Variants in ATXN10 observed in about 807,000 individuals in gnomAD.
The protein encoded by ATXN10 is ataxin 10.
In ATXN10, 28 loss-of-function variants were observed where a neutral mutation model predicts 52.9. The observed-to-expected ratio is 0.53, with a 90% CI of 0.39 to 0.73. The LOEUF is 0.73. ATXN10 is among the 30% of genes least tolerant of loss of function. The pLI, the probability that ATXN10 is intolerant of heterozygous loss-of-function variation, is 0.00. For missense variants in ATXN10, 565 were observed against 577.0 expected (o/e 0.98, Z 0.21); for synonymous variants, 226 against 221.5 (o/e 1.02, Z -0.18).
In ATXN10 at chr22:45,681,877, C is replaced by G. The variant is rs1035224281; in HGVS notation, c.117-7835C>G. On this transcript the variant is annotated intron_variant, in intron 1 of 11. Coordinates refer to ENST00000252934, the MANE Select transcript of ATXN10 (RefSeq NM_013236.4). The surrounding 1 kb of genome is among the most constrained non-coding windows in gnomAD (Gnocchi z 4.2). ...ACTCTCAGCTCTCTGAAAATAGGAG[C>G]AACTAGAAGATAATTTCCAGGAACT... 6.6e-6 allele frequency among the ~76,000 whole-genome samples: 1 copy of G among 152,176 alleles called. No individual in the cohort carries two copies. Among genetic ancestry groups the G allele is most frequent in the Non-Finnish European group, 1.5e-5 (1 of 68,034 alleles).
At chr22:45,747,542 C>T (rs1438410465) in intron 9 of ATXN10, among the ~76,000 whole-genome samples, 2 of 152,028 alleles carry the variant, frequency 1.3e-5, no homozygotes, top group African/African-American at 4.8e-5. Flanking sequence ...AGTGGGTTCT[C>T]CTGTCACTGA....
At chr22:45,695,639 G>T (rs193150576) in intron 3 of ATXN10, among the ~76,000 whole-genome samples, 1 of 151,684 alleles carries the variant, frequency 6.6e-6, no homozygotes, top group African/African-American at 2.4e-5. Context: ...GATTACAGGC[G>T]CCTGCCGCCG....
At chr22:45,731,503 A>G (rs1461080117) in intron 7 of ATXN10, among the ~76,000 whole-genome samples, 1 of 152,210 alleles carries the variant, frequency 6.6e-6, no homozygotes, top group Non-Finnish European at 1.5e-5. Flanking sequence ...ATAAAAGATG[A>G]TAGAGAGTTC....
intron 1 of ATXN10, among the ~76,000 whole-genome samples, chr22:45,685,228 A>G (rs536685454): frequency 6.6e-6 from 1 of 152,224 alleles, no homozygotes; most frequent in East Asian, 1.9e-4. Flanking sequence ...CTCAAACAGA[A>G]CTTGCCAAGA....
chr22:45,748,120 A>G (rs538615975), intron 9 of ATXN10, among the ~76,000 whole-genome samples: 29 of 152,020 alleles, frequency 1.9e-4, no homozygotes, highest in Non-Finnish European at 2.6e-4. Flanking sequence ...TCGAGGCTAC[A>G]GGGAGCCGTG....
chr22:45,693,310 T>A (rs1923458558), intron 3 of ATXN10, among the ~76,000 whole-genome samples: 2 of 152,216 alleles, frequency 1.3e-5, no homozygotes, highest in South Asian at 4.1e-4. Flanking sequence ...CCAGTTGCTA[T>A]AACAAAATGC....
In ATXN10 at chr22:45,718,320, T is replaced by A. The variant is rs1924520847; in HGVS notation, c.648-93T>A. ...TCAAAAATTCACTGAAAAGAAATGC[T>A]TTTGTGTGTAAGTGGTGCCTATAAA... On this transcript the variant is annotated intron_variant, in intron 5 of 11. Transcript: ENST00000252934. This position sits in a 1 kb window ranked among gnomAD's most constrained non-coding sequence, Gnocchi z 4.4. 1.1e-6 allele frequency: 1 copy of A among 937,972 alleles called. No homozygotes were observed. Among genetic ancestry groups the A allele is most frequent in the Non-Finnish European group, 1.8e-6 (1 of 566,398 alleles). 58.1% of individuals were successfully genotyped at this position (937,972 alleles called of 1,614,324 possible). A position where few individuals can be genotyped will look rare whatever the true frequency, so the allele number is the denominator to read the frequency against.
chr22:45,821,224 A>G lies in ATXN10; in HGVS notation c.1237+14202A>G, dbSNP rs77455170. ...TTTCTCTCCTAAAGCACTTGTAGAA[A>G]CGAGTACAATTACCAGGCATAGTGG... On this transcript the variant is annotated intron_variant, in intron 10 of 11. Transcript: ENST00000252934. Among the ~76,000 whole-genome samples, 984 of 152,238 alleles carry G rather than the reference A, an allele frequency of 6.5e-3. 7 individuals carry two copies. Among genetic ancestry groups the G allele is most frequent in the South Asian group, 0.017 (82 of 4,822 alleles).
At chr22:45,811,176 T>C (rs1274822408) in intron 10 of ATXN10, among the ~76,000 whole-genome samples, 3 of 152,182 alleles carry the variant, frequency 2.0e-5, no homozygotes, top group Non-Finnish European at 2.9e-5. Flanking sequence ...CCTTTATATG[T>C]TTTGAGGTAA....
rs1397572578 is a variant in ATXN10 at position 45,845,065 on chromosome 22, T to C, written c.*1394T>C. The stretch of plus-strand genomic sequence containing the variant: ...AAAGAAGCCATTGCAGAATTTAAAA[T>C]TACACAAAGGAGTCATTCTCTCCTG... On this transcript the variant is annotated 3_prime_UTR_variant, in exon 12 of 12. Transcript: ENST00000252934. This position sits in a 1 kb window ranked among gnomAD's most constrained non-coding sequence, Gnocchi z 4.7. 6.6e-6 allele frequency: 1 copy of C among 152,204 alleles called. No individual in the cohort carries two copies. Among genetic ancestry groups the C allele is most frequent in the Non-Finnish European group, 1.5e-5 (1 of 68,042 alleles). 9.4% of individuals were successfully genotyped at this position (152,204 alleles called of 1,614,324 possible). A position where few individuals can be genotyped will look rare whatever the true frequency, so the allele number is the denominator to read the frequency against.
rs1431906713 is a variant in ATXN10 at position 45,708,171 on chromosome 22, C to A, written c.647+5324C>A. Among the ~76,000 whole-genome samples the A allele has an allele frequency of 6.6e-6, 1 of 152,052 alleles. No homozygotes were observed. Among genetic ancestry groups the A allele is most frequent in the African/African-American group, 2.4e-5 (1 of 41,384 alleles). On this transcript the variant is annotated intron_variant, in intron 5 of 11. Coordinates refer to ENST00000252934, the MANE Select transcript of ATXN10 (RefSeq NM_013236.4). The surrounding 1 kb of genome is among the most constrained non-coding windows in gnomAD (Gnocchi z 5.3). The stretch of plus-strand genomic sequence containing the variant: ...TAATGTCTTTCTAAAAATGTCTGTT[C>A]TTTTGTTTGTAGGTGTGAAAGATGT...
In ATXN10 at chr22:45,816,441, G is replaced by A. The variant is rs1363393867; in HGVS notation, c.1237+9419G>A. ...TCAGAGTTCTTTCTAGATCCCTTCAGTGAGCTGAGTGCCTCCATTTGGCGT... is the reference window on the plus strand; with the variant it reads ...TCAGAGTTCTTTCTAGATCCCTTCAATGAGCTGAGTGCCTCCATTTGGCGT... On this transcript the variant is annotated intron_variant, in intron 10 of 11. Coordinates refer to ENST00000252934, the MANE Select transcript of ATXN10 (RefSeq NM_013236.4). The surrounding 1 kb of genome is among the most constrained non-coding windows in gnomAD (Gnocchi z 5.8). Among the ~76,000 whole-genome samples, 1 of 152,106 alleles carries A rather than the reference G, an allele frequency of 6.6e-6. No individual in the cohort carries two copies. The highest frequency in any genetic ancestry group is 1.5e-5 in the Non-Finnish European group (1 of 68,034).
chr22:45,780,459 A>T lies in ATXN10; in HGVS notation c.1174-26500A>T, dbSNP rs1393140208. On this transcript the variant is annotated intron_variant, in intron 9 of 11. Transcript: ENST00000252934. This position sits in a 1 kb window ranked among gnomAD's most constrained non-coding sequence, Gnocchi z 4.0. ...TTCAGAATTTATGCAGTGTGGTGGG[A>T]GGAGGTCTGGCTCTGGAGTCAGGCA... Among the ~76,000 whole-genome samples, 1 of 150,724 alleles carries T rather than the reference A, an allele frequency of 6.6e-6. No homozygotes were observed. The highest frequency in any genetic ancestry group is 1.9e-4 in the East Asian group (1 of 5,174).
Position 45,718,122 on chromosome 22 carries a change from A to G in ATXN10, c.648-291A>G, listed in dbSNP as rs1465751439. Among the ~76,000 whole-genome samples the G allele has an allele frequency of 1.3e-5, 2 of 152,178 alleles. No homozygotes were observed. The highest frequency in any genetic ancestry group is 2.9e-5 in the Non-Finnish European group (2 of 68,030). ...GCTAAATGAAGAATTTTTCTTTCTC[A>G]ACTTAGATAACAGCTATAGTAGCCC... On this transcript the variant is annotated intron_variant, in intron 5 of 11. Coordinates refer to ENST00000252934, the MANE Select transcript of ATXN10 (RefSeq NM_013236.4). This position sits in a 1 kb window ranked among gnomAD's most constrained non-coding sequence, Gnocchi z 4.4.
chr22:45,804,131 G>A lies in ATXN10; in HGVS notation c.1174-2828G>A, dbSNP rs142089246. Among the ~76,000 whole-genome samples the A allele has an allele frequency of 6.1e-3, 932 of 152,244 alleles. 8 individuals carry two copies. The highest frequency in any genetic ancestry group is 9.1e-3 in the Non-Finnish European group (618 of 68,004). Reference sequence around the variant, plus strand: ...GACACCGCATGGCTGTCATATTGTCGGCAGTTTCTCAGCTCCCTCCCTTCA... The same window carrying A: ...GACACCGCATGGCTGTCATATTGTCAGCAGTTTCTCAGCTCCCTCCCTTCA... On this transcript the variant is annotated intron_variant, in intron 9 of 11. Coordinates refer to ENST00000252934, the MANE Select transcript of ATXN10 (RefSeq NM_013236.4).
intron 7 of ATXN10, among the ~76,000 whole-genome samples, chr22:45,735,488 A>G (rs1925257764): frequency 6.6e-6 from 1 of 152,026 alleles, no homozygotes; most frequent in African/African-American, 2.4e-5. Context: ...GGAACCAGTA[A>G]GATGTTAACA....
chr22:45,776,822 A>G (rs930051064), intron 9 of ATXN10, among the ~76,000 whole-genome samples: 1 of 152,284 alleles, frequency 6.6e-6, no homozygotes, highest in East Asian at 1.9e-4. Context: ...AAGCATTGGT[A>G]TTCTAATTAA....
intron 3 of ATXN10, among the ~76,000 whole-genome samples, chr22:45,695,783 C>T (rs2146746077): frequency 6.6e-6 from 1 of 152,224 alleles, no homozygotes; most frequent in Middle Eastern, 3.4e-3. Flanking sequence ...TGAACCACCG[C>T]ACCTGGCCAC....
intron 9 of ATXN10, among the ~76,000 whole-genome samples, chr22:45,803,745 C>T (rs180703612): frequency 4.4e-4 from 67 of 152,168 alleles, no homozygotes; most frequent in Non-Finnish European, 9.0e-4. Context: ...GTACAGGATG[C>T]GTACGTACCC....
Sources: gnomAD v4.1 joint callset for allele counts (sites outside exome capture counted in the v4.1 genomes callset) on GRCh38, gnomAD v4.1.1 for gene constraint, Gnocchi (gnomAD v3.1) non-coding constraint, MANE v1.5 for transcripts, NCBI Gene and HGNC (gene_info 2026-07-23, HGNC 2026-07-21) for gene names.